Variants in FER1L5 observed in about 807,000 individuals in gnomAD.
FER1L5 encodes fer-1 like family member 5.
A neutral mutation model predicts 279.9 loss-of-function variants in FER1L5; 187 were observed. The observed-to-expected ratio is 0.67, with a 90% CI of 0.59 to 0.75. FER1L5 has a LOEUF of 0.75. Among genes scored for constraint, FER1L5 ranks in the 30% least tolerant of loss-of-function variants. FER1L5 has a pLI of 0.00. For missense variants in FER1L5, 2,091 were observed against 2,594.4 expected, an observed-to-expected ratio of 0.81 and a Z score of 4.21; for synonymous variants, 921 against 989.7, an observed-to-expected ratio of 0.93 and a Z score of 1.30.
At chr2:96,692,026 G>GT in intron 30 of FER1L5, 63 bp downstream of exon 30, 6 of 1,165,466 alleles carry the variant, frequency 5.1e-6, no homozygotes, top group South Asian at 1.3e-5. Flanking sequence ...GGGCGGGGGG[G>GT]GGGGACAGGG....
At chr2:96,692,023 G>GT (rs896385097) in intron 30 of FER1L5, 60 bp downstream of exon 30, 11 of 1,405,042 alleles carry the variant, frequency 7.8e-6, no homozygotes, top group African/African-American at 1.4e-5. Flanking sequence ...CGAGGGCGGG[G>GT]GGGGGGGACA....
chr2:96,659,537 G>A (rs1573821384), intron 9 of FER1L5, among the ~76,000 whole-genome samples: 1 of 142,030 alleles, frequency 7.0e-6, no homozygotes, highest in Non-Finnish European at 1.5e-5. Context: ...TGTCGCCCAG[G>A]CTGGAGAGCA....
chr2:96,659,155 G>A (rs942219097), intron 9 of FER1L5, among the ~76,000 whole-genome samples: 2 of 151,744 alleles, frequency 1.3e-5, no homozygotes, highest in East Asian at 1.9e-4. Context: ...GGATGGTCTC[G>A]ATCTCCTGAC....
chr2:96,697,427 G>A, intron 37 of FER1L5, 99 bp from the exon 38 acceptor site: 1 of 1,342,008 alleles, frequency 7.5e-7, no homozygotes, highest in Non-Finnish European at 1.0e-6. Context: ...CAAGGGCAAG[G>A]GCACCAGGGA....
chr2:96,700,282 G>C (rs745743454), intron 44 of FER1L5, 50 bp from the exon 45 acceptor site: 50 of 1,606,070 alleles, frequency 3.1e-5, no homozygotes, highest in Non-Finnish European at 4.2e-5. Context: ...CTAGGAGATA[G>C]GAAGGCTAAT....
rs372228418 is a variant in FER1L5 at position 96,698,999 on chromosome 2, C to T, written c.4519-46C>T. 4.4e-5 allele frequency: 68 copies of T among 1,562,142 alleles called. No individual in the cohort carries two copies. Among genetic ancestry groups the T allele is most frequent in the African/African-American group, 4.1e-4 (30 of 73,798 alleles). On this transcript the variant is annotated intron_variant, in intron 41 of 52. Transcript: ENST00000624922. This position sits in a 1 kb window ranked among gnomAD's most constrained non-coding sequence, Gnocchi z 5.5. ...TCCCACCCTCCCTGACAAACCTGGACGGCCTCCCCAGTTCCTATCCTTCCC... is the reference window on the plus strand; with the variant it reads ...TCCCACCCTCCCTGACAAACCTGGATGGCCTCCCCAGTTCCTATCCTTCCC...
chr2:96,664,807 AAAC>A (rs1442823212), intron 14 of FER1L5, among the ~76,000 whole-genome samples: 1 of 152,236 alleles, frequency 6.6e-6, no homozygotes, highest in African/African-American at 2.4e-5. Context: ...TATAAAAACA[AAAC>A]AAATCCCTTT....
intron 31 of FER1L5, 122 bp downstream of exon 31, chr2:96,692,303 G>A (rs1214426682): frequency 2.5e-5 from 26 of 1,045,552 alleles, no homozygotes; most frequent in Admixed American, 1.9e-4. Context: ...CCTGCCTGTC[G>A]GCCCCTCACC....
intron 37 of FER1L5, among the ~76,000 whole-genome samples, chr2:96,696,968 T>C (rs532553327): frequency 1.1e-4 from 17 of 152,256 alleles, no homozygotes; most frequent in African/African-American, 4.1e-4. Context: ...GTTCTTGAAC[T>C]CCTTAGCTCA....
intron 1 of FER1L5, among the ~76,000 whole-genome samples, chr2:96,644,254 G>A (rs948291952): frequency 2.0e-5 from 3 of 151,588 alleles, no homozygotes; most frequent in Admixed American, 1.3e-4. Context: ...CGAGGTGGGC[G>A]GATCACGAGG....
Position 96,687,883 on chromosome 2 carries a change from A to G in FER1L5, c.2297A>G (p.Asn766Ser), listed in dbSNP as rs1197182487. The change falls in exon 24 of 53, where the codon AAT becomes AGT. Residue 766 changes from asparagine to serine, a missense_variant. Coordinates refer to ENST00000624922, the MANE Select transcript of FER1L5 (RefSeq NM_001293083.2). ...CTCCGGGTCTGCATGTGGCTTGGCA[A>G]TGTCACAGACAGCAAGGACCTGCAG... is the stretch of plus-strand genomic sequence containing the variant. ...AHLRVCMWLG[N>S]VTDSKDLQLL... 1.3e-6 allele frequency: 2 copies of G among 1,551,170 alleles called. No homozygotes were observed. Among genetic ancestry groups the G allele is most frequent in the South Asian group, 2.4e-5 (2 of 84,064 alleles).
intron 45 of FER1L5, 52 bp from the exon 46 acceptor site, chr2:96,701,903 G>C: frequency 6.4e-7 from 1 of 1,572,698 alleles, no homozygotes; most frequent in Non-Finnish European, 8.7e-7. Flanking sequence ...AGGCCAGCCT[G>C]CTGAGAACAG....
At chr2:96,656,663 T>C (rs1384990820) in intron 9 of FER1L5, among the ~76,000 whole-genome samples, 1 of 151,556 alleles carries the variant, frequency 6.6e-6, no homozygotes, top group African/African-American at 2.4e-5. Context: ...ATCAGGATTC[T>C]AAACCAGGTC....
intron 8 of FER1L5, chr2:96,654,016 G>A (rs1457446033): frequency 5.0e-6 from 2 of 401,928 alleles, no homozygotes; most frequent in Non-Finnish European, 8.9e-6. Flanking sequence ...CCTAACCAAA[G>A]GGAGCCAGTA....
At chr2:96,699,442 C>A in intron 42 of FER1L5, 108 bp from the exon 43 acceptor site, 1 of 1,288,430 alleles carries the variant, frequency 7.8e-7, no homozygotes, top group Non-Finnish European at 1.1e-6. Flanking sequence ...CTGCTCTCCA[C>A]AATCTCCATG....
intron 13 of FER1L5, 121 bp downstream of exon 13, chr2:96,662,388 G>A: frequency 2.2e-6 from 2 of 891,322 alleles, no homozygotes; most frequent in South Asian, 2.9e-5. Flanking sequence ...ACTGAGAGAA[G>A]TATGCACCCC....
Position 96,703,329 on chromosome 2 carries a change from G to A in FER1L5, c.5674G>A (p.Gly1892Ser). Residue 1892 changes from glycine to serine, a missense_variant, in exon 50 of 53, where the codon GGC becomes AGC. Physicochemically the swap from Gly to Ser is moderately conservative, Grantham distance 56 (BLOSUM62 0). Coordinates refer to ENST00000624922, the MANE Select transcript of FER1L5 (RefSeq NM_001293083.2). ...GWWPCQVLDG[G>S]KWRLSGKVKM... ...GTGGCCTTGCCAGGTCCTCGATGGT[G>A]GCAAATGGCGCTTGTCGGTAGGAGC... The A allele has an allele frequency of 6.2e-7, 1 of 1,610,860 alleles. No individual in the cohort carries two copies. Among genetic ancestry groups the A allele is most frequent in the South Asian group, 1.1e-5 (1 of 90,538 alleles).
At chr2:96,655,178 A>C (rs2075551014) in intron 9 of FER1L5, among the ~76,000 whole-genome samples, 1 of 152,196 alleles carries the variant, frequency 6.6e-6, no homozygotes, top group Admixed American at 6.5e-5. Context: ...GTCAGCCTAC[A>C]TGTTAGGGAA....
chr2:96,673,285 A>G, intron 19 of FER1L5, 31 bp downstream of exon 19: 5 of 1,535,622 alleles, frequency 3.3e-6, no homozygotes, highest in Non-Finnish European at 4.4e-6. Flanking sequence ...ATAAGTAGAG[A>G]GCAGCCACTG....
Sources: allele counts gnomAD v4.1 joint callset (sites outside exome capture counted in the v4.1 genomes callset), GRCh38; gene constraint gnomAD v4.1.1; non-coding constraint Gnocchi (gnomAD v3.1); transcripts MANE v1.5; gene names NCBI Gene and HGNC (gene_info 2026-07-23, HGNC 2026-07-21).